ACOT9: variants seen among roughly 807,000 people sequenced by gnomAD.
ACOT9 encodes the protein acyl-CoA thioesterase 9, also known as acyl-coenzyme A thioesterase 9, mitochondrial.
A neutral mutation model predicts 39.7 loss-of-function variants in ACOT9; 34 were observed. The ratio of observed to expected loss-of-function variants is 0.86; its 90% confidence interval spans 0.65 to 1.14. The LOEUF (loss-of-function observed/expected upper bound fraction) is 1.14. ACOT9 is among the 50% of genes most tolerant of loss of function. The pLI, the probability that ACOT9 is intolerant of heterozygous loss-of-function variation, is 0.00. For synonymous variants in ACOT9, 110 were observed against 120.5 expected (o/e 0.91, Z 0.57); for missense variants, 313 against 344.1 (o/e 0.91, Z 0.71).
chrX:23,729,149 T>C (rs1470670538), intron 6 of ACOT9, among the ~76,000 whole-genome samples: 2 of 111,193 alleles, frequency 1.8e-5, no homozygotes. Context: ...GCAGACATCA[T>C]CGTCATCCAG....
chrX:23,718,603 T>A (rs953938487), intron 8 of ACOT9, among the ~76,000 whole-genome samples: 3 of 111,922 alleles, frequency 2.7e-5, no homozygotes, highest in African/African-American at 9.7e-5. Flanking sequence ...GAATATTTTT[T>A]AAAAGACTGT....
At chrX:23,723,384 G>A (rs1929386685) in intron 6 of ACOT9, among the ~76,000 whole-genome samples, 1 of 110,884 alleles carries the variant, frequency 9.0e-6, no homozygotes, top group South Asian at 3.8e-4. Flanking sequence ...GGGAGGCCAA[G>A]GCAGGCGGAT....
At chrX:23,704,337 ATTTT>A (rs749027257) in intron 15 of ACOT9, among the ~76,000 whole-genome samples, 75 of 88,710 alleles carry the variant, frequency 8.5e-4, no homozygotes, top group African/African-American at 2.9e-3. Flanking sequence ...TGCCCGGCTA[ATTTT>A]TTTTTTTTTT....
chrX:23,708,232 A>G (rs752559459), intron 9 of ACOT9, among the ~76,000 whole-genome samples: 3 of 112,891 alleles, frequency 2.7e-5, no homozygotes, highest in African/African-American at 9.6e-5. Context: ...ACACTCTACA[A>G]GAAAACTGGC....
At chrX:23,719,006 A>G (rs1264568135) in intron 8 of ACOT9, among the ~76,000 whole-genome samples, 3 of 110,239 alleles carry the variant, frequency 2.7e-5, no homozygotes, top group African/African-American at 9.9e-5. Context: ...ACGGTGGCTC[A>G]CGCCTGAAAT....
chrX:23,704,024 C>T, intron 15 of ACOT9, 42 bp from the exon 16 acceptor site: 1 of 1,053,746 alleles, frequency 9.5e-7, no homozygotes, highest in Non-Finnish European at 1.3e-6. Context: ...CTTGTAATAC[C>T]GTAGAAAACC....
chrX:23,712,337 G>A (rs986167661), intron 9 of ACOT9, among the ~76,000 whole-genome samples: 3 of 104,660 alleles, frequency 2.9e-5, no homozygotes, highest in Admixed American at 2.1e-4. Flanking sequence ...CCCAGGAGGC[G>A]GAGGTTGCAG....
intron 6 of ACOT9, among the ~76,000 whole-genome samples, chrX:23,728,425 A>AAAT (rs1454659360): frequency 4.5e-5 from 5 of 110,683 alleles, no homozygotes; most frequent in Non-Finnish European, 9.4e-5. Context: ...CAGCCATAGG[A>AAAT]AATTGGTCAC....
rs764940598 is a variant in ACOT9 at position 23,703,085 on chromosome X, C to T, written c.*809G>A. On this transcript the variant is annotated 3_prime_UTR_variant, in exon 16 of 16. Coordinates refer to ENST00000379303, the MANE Select transcript of ACOT9 (RefSeq NM_001037171.2). ...ACCTAAATCTTCCCACAAATCTTTA[C>T]GGATGCAGTAACTTTTGTTAAATCC... The T allele has an allele frequency of 6.6e-4, 74 of 111,852 alleles. No individual in the cohort carries two copies. The highest frequency in any genetic ancestry group is 2.3e-3 in the African/African-American group (72 of 30,818). 9.2% of individuals were successfully genotyped at this position (111,852 alleles called of 1,213,427 possible). A position where few individuals can be genotyped will look rare whatever the true frequency, so the allele number is the denominator to read the frequency against.
intron 6 of ACOT9, among the ~76,000 whole-genome samples, chrX:23,728,709 A>G (rs557526343): frequency 8.9e-6 from 1 of 111,873 alleles, no homozygotes; most frequent in African/African-American, 3.2e-5. Flanking sequence ...ACCACTCCCA[A>G]CGCACATATC....
At chrX:23,708,086 G>A in intron 9 of ACOT9, 142 bp from the exon 10 acceptor site, 2 of 464,063 alleles carry the variant, frequency 4.3e-6, no homozygotes, top group African/African-American at 2.4e-5. Context: ...TGTGAACGCT[G>A]GAACAATTAG....
intron 9 of ACOT9, among the ~76,000 whole-genome samples, chrX:23,712,550 A>G (rs12395213): frequency 9.0e-6 from 1 of 111,251 alleles, no homozygotes; most frequent in Non-Finnish European, 1.9e-5. Context: ...TTCGCATACC[A>G]CACAATTCAC....
chrX:23,723,300 TA>T (rs1271364183), intron 6 of ACOT9, among the ~76,000 whole-genome samples: 1 of 111,740 alleles, frequency 8.9e-6, no homozygotes, highest in Non-Finnish European at 1.9e-5. Context: ...ACCTTACAGA[TA>T]TCAACTCATT....
intron 9 of ACOT9, among the ~76,000 whole-genome samples, chrX:23,710,098 C>T (rs1928842066): frequency 8.9e-6 from 1 of 111,839 alleles, no homozygotes; most frequent in Non-Finnish European, 1.9e-5. Flanking sequence ...GCCATGTTGG[C>T]CAGGCTGGTC....
chrX:23,734,671 C>G (rs893660958), intron 2 of ACOT9, among the ~76,000 whole-genome samples: 1 of 111,561 alleles, frequency 9.0e-6, no homozygotes, highest in African/African-American at 3.3e-5. Flanking sequence ...TGTTAGAGAA[C>G]TGCAAACAAC....
At chrX:23,730,143 G>A (rs1929682882) in intron 6 of ACOT9, among the ~76,000 whole-genome samples, 1 of 95,497 alleles carries the variant, frequency 1.0e-5, no homozygotes, top group East Asian at 3.3e-4. Flanking sequence ...TACCCAGGCT[G>A]TAGTGCAATG....
chrX:23,729,591 T>C (rs1235968068), intron 6 of ACOT9, among the ~76,000 whole-genome samples: 4 of 109,425 alleles, frequency 3.7e-5, no homozygotes, highest in Non-Finnish European at 3.8e-5. Context: ...TGTGGCATCA[T>C]GTCAGCCACT....
At position 23,702,221 on chromosome X, in the gene ACOT9, T is replaced by C. The variant is rs1237481177; in HGVS notation, c.*1673A>G. Reference sequence around the variant, plus strand: ...TATTTTTTCTTCTAAGTTACCTTCCTGTCAAAAAAGGAACGGTCTTGGCTA... The same window carrying C: ...TATTTTTTCTTCTAAGTTACCTTCCCGTCAAAAAAGGAACGGTCTTGGCTA... On this transcript the variant is annotated 3_prime_UTR_variant, in exon 16 of 16. Coordinates refer to ENST00000379303, the MANE Select transcript of ACOT9 (RefSeq NM_001037171.2). The C allele has an allele frequency of 4.6e-5, 5 of 109,258 alleles. No individual in the cohort carries two copies. Among genetic ancestry groups the C allele is most frequent in the Non-Finnish European group, 7.6e-5 (4 of 52,581 alleles). The allele number at this position is 109,258 out of a possible 1,213,427, so 9.0% of individuals were successfully genotyped here. A position where few individuals can be genotyped will look rare whatever the true frequency, so the allele number is the denominator to read the frequency against.
At chrX:23,719,570 T>TG (rs774021195) in intron 8 of ACOT9, among the ~76,000 whole-genome samples, 149 of 33,344 alleles carry the variant, frequency 4.5e-3, no homozygotes, top group African/African-American at 0.015. Context: ...TGGGGTGGGC[T>TG]GGGGGGGATG....
Sources: allele counts gnomAD v4.1 joint callset (sites outside exome capture counted in the v4.1 genomes callset), GRCh38; gene constraint gnomAD v4.1.1; transcripts MANE v1.5; gene names NCBI Gene and HGNC (gene_info 2026-07-23, HGNC 2026-07-21).